The following NCOA2 variants were observed in gnomAD, a reference collection of about 807,000 sequenced individuals.
NCOA2 encodes the protein nuclear receptor coactivator 2, also known as class E basic helix-loop-helix protein 75.
NCOA2 carries 21 observed loss-of-function variants against 145.1 expected under a neutral mutation model. The observed-to-expected ratio is 0.14, with a 90% CI of 0.10 to 0.21. The LOEUF (loss-of-function observed/expected upper bound fraction) is 0.21. Ranked by LOEUF, NCOA2 falls within the 10% of genes least tolerant of loss-of-function variation. NCOA2 has a pLI of 1.00. For missense variants in NCOA2, 1,472 were observed against 1,837.6 expected (o/e 0.80, Z 3.64); for synonymous variants, 619 against 637.5 (o/e 0.97, Z 0.44).
chr8:70,401,084 C>T (rs980712349), intron 1 of NCOA2, among the ~76,000 whole-genome samples: 1 of 152,070 alleles, frequency 6.6e-6, no homozygotes, highest in African/African-American at 2.4e-5. Context: ...CAACAAAGAA[C>T]AGGAACACAC....
chr8:70,297,673 C>A (rs1274733135), intron 1 of NCOA2, among the ~76,000 whole-genome samples: 2 of 152,048 alleles, frequency 1.3e-5, no homozygotes, highest in African/African-American at 4.8e-5. Flanking sequence ...GTTATAATAA[C>A]CAAGATAATT....
chr8:70,345,183 T>C (rs1808503151), intron 1 of NCOA2, among the ~76,000 whole-genome samples: 2 of 152,200 alleles, frequency 1.3e-5, no homozygotes, highest in African/African-American at 4.8e-5. Flanking sequence ...ATGTGTGACA[T>C]ATGGGACTCT....
At chr8:70,446,465 C>G in the NCOA2 span, among the ~76,000 whole-genome samples, 1 of 152,288 alleles carries the variant, frequency 6.6e-6, no homozygotes, top group African/African-American at 2.4e-5. Context: ...TTTTGTTTCC[C>G]TTAGCTCCTT....
chr8:70,410,960 T>G, the NCOA2 span, among the ~76,000 whole-genome samples: 1 of 152,040 alleles, frequency 6.6e-6, no homozygotes, highest in East Asian at 1.9e-4. Flanking sequence ...TATTCTGGGG[T>G]GATTAATATT....
chr8:70,280,530 C>G (rs921248149), intron 2 of NCOA2, among the ~76,000 whole-genome samples: 1 of 152,250 alleles, frequency 6.6e-6, no homozygotes, highest in East Asian at 1.9e-4. Flanking sequence ...ACACAATATA[C>G]CAACTACTTC....
chr8:70,199,713 T>C (rs1359673242), intron 4 of NCOA2, among the ~76,000 whole-genome samples: 2 of 152,118 alleles, frequency 1.3e-5, no homozygotes, highest in African/African-American at 2.4e-5. Flanking sequence ...AAAACCATCA[T>C]AAGGAGGCAG....
chr8:70,207,862 CAAAAAAAAAA>C (rs754670876), intron 4 of NCOA2, among the ~76,000 whole-genome samples: 2 of 36,188 alleles, frequency 5.5e-5, no homozygotes, highest in African/African-American at 2.2e-4. Flanking sequence ...GACTCCACCT[CAAAAAAAAAA>C]AAAAAAAAAA....
intron 22 of NCOA2, among the ~76,000 whole-genome samples, chr8:70,120,585 G>A (rs1385370404): frequency 2.0e-5 from 3 of 152,116 alleles, no homozygotes; most frequent in Non-Finnish European, 4.4e-5. Context: ...GCCAGGCATG[G>A]TGGCATGTGC....
At chr8:70,304,958 T>C (rs948244700) in intron 1 of NCOA2, among the ~76,000 whole-genome samples, 4 of 151,334 alleles carry the variant, frequency 2.6e-5, no homozygotes, top group African/African-American at 4.9e-5. Flanking sequence ...CTGGGCTCAG[T>C]TGATCTACCC....
At chr8:70,382,618 A>G (rs1812306540) in intron 1 of NCOA2, among the ~76,000 whole-genome samples, 1 of 152,222 alleles carries the variant, frequency 6.6e-6, no homozygotes, top group African/African-American at 2.4e-5. Flanking sequence ...GTAGATATCT[A>G]TTTTGAATGA....
chr8:70,273,669 G>T, intron 2 of NCOA2: 1 of 686,276 alleles, frequency 1.5e-6, no homozygotes. Context: ...ATGCTACCCA[G>T]AATCTTAAAC....
intron 4 of NCOA2, among the ~76,000 whole-genome samples, chr8:70,195,113 A>G (rs1817137455): frequency 6.6e-6 from 1 of 152,164 alleles, no homozygotes; most frequent in South Asian, 2.1e-4. Context: ...CGTATGAAAG[A>G]GCAGTGCCTG....
At chr8:70,374,979 CTT>C (rs1383822990) in intron 1 of NCOA2, among the ~76,000 whole-genome samples, 3 of 150,876 alleles carry the variant, frequency 2.0e-5, no homozygotes, top group Non-Finnish European at 4.4e-5. Context: ...TACAGAATAA[CTT>C]AAGTAGAAAA....
At chr8:70,329,425 A>AT (rs1188845185) in intron 1 of NCOA2, among the ~76,000 whole-genome samples, 1 of 151,764 alleles carries the variant, frequency 6.6e-6, no homozygotes, top group Non-Finnish European at 1.5e-5. Flanking sequence ...TTATTTTTTA[A>AT]TTTTTTGTAG....
In NCOA2 at chr8:70,285,120, T is replaced by C. The variant is rs1161686764; in HGVS notation, c.-20+11624A>G. Among the ~76,000 whole-genome samples, 3 of 152,226 alleles carry C rather than the reference T, an allele frequency of 2.0e-5. No individual in the cohort carries two copies. The East Asian group carries it at 5.8e-4, about 29-fold the overall frequency. On this transcript the variant is annotated intron_variant, in intron 2 of 22. Coordinates refer to ENST00000452400, the MANE Select transcript of NCOA2 (RefSeq NM_006540.4). ...TCTTATAATATCCTTATATTCATGATAGCTTTTGAGAGCCTCATGCTTAAC... is the reference window on the plus strand; with the variant it reads ...TCTTATAATATCCTTATATTCATGACAGCTTTTGAGAGCCTCATGCTTAAC...
At chr8:70,429,867 T>G in the NCOA2 span, among the ~76,000 whole-genome samples, 6 of 152,020 alleles carry the variant, frequency 3.9e-5, no homozygotes, top group Non-Finnish European at 5.9e-5. Flanking sequence ...GTGTGTGGGG[T>G]TTTTGTTTTG....
chr8:70,279,014 C>T (rs905911612), intron 2 of NCOA2, among the ~76,000 whole-genome samples: 7 of 151,968 alleles, frequency 4.6e-5, no homozygotes, highest in Admixed American at 2.0e-4. Context: ...TGTATCAATC[C>T]GTCAATGAAT....
Position 70,124,066 on chromosome 8 carries a change from A to G in NCOA2, c.4111T>C (p.Ser1371Pro). The change falls in exon 21 of 23, where the codon TCC becomes CCC. Residue 1371 changes from serine to proline, a missense_variant. Ser to Pro is a moderately conservative substitution (Grantham distance 74, BLOSUM62 -1). Transcript: ENST00000452400. ...MGGNSMFSQQ[S>P]PPHFGQQANT... is the part of the protein sequence containing the mutation. Reference sequence around the variant, plus strand: ...GCTTGCTGCCCAAAGTGTGGTGGGGACTGCTGGGAAAACATGCTGGAATAC... The same window carrying G: ...GCTTGCTGCCCAAAGTGTGGTGGGGGCTGCTGGGAAAACATGCTGGAATAC... 1 of 1,613,406 alleles carries G rather than the reference A, an allele frequency of 6.2e-7. No homozygotes were observed. The highest frequency in any genetic ancestry group is 8.5e-7 in the Non-Finnish European group (1 of 1,179,494).
intron 4 of NCOA2, among the ~76,000 whole-genome samples, chr8:70,207,431 G>A (rs1293835321): frequency 6.6e-6 from 1 of 152,090 alleles, no homozygotes; most frequent in African/African-American, 2.4e-5. Context: ...GGGATCCTAG[G>A]AGGAAATGAG....
Sources: gnomAD v4.1 joint callset for allele counts (sites outside exome capture counted in the v4.1 genomes callset) on GRCh38, gnomAD v4.1.1 for gene constraint, MANE v1.5 for transcripts, NCBI Gene and HGNC (gene_info 2026-07-23, HGNC 2026-07-21) for gene names.